The following IQCM variants were observed in gnomAD, a reference collection of about 807,000 sequenced individuals.
The protein encoded by IQCM is IQ motif containing M.
In IQCM, 45 loss-of-function variants were observed where a neutral mutation model predicts 57.6. That is an observed-to-expected ratio of 0.78 (90% confidence interval 0.62 to 1.00). IQCM has a LOEUF of 1.00. Among genes scored for constraint, IQCM ranks in the 50% least tolerant of loss-of-function variants. The pLI is 0.00. For synonymous variants in IQCM, 148 were observed against 158.9 expected (o/e 0.93, Z 0.51); for missense variants, 468 against 511.6 (o/e 0.91, Z 0.82).
chr4:149,683,743 A>G (rs951663977), intron 6 of IQCM, among the ~76,000 whole-genome samples: 1 of 151,326 alleles, frequency 6.6e-6, no homozygotes, highest in African/African-American at 2.4e-5. Context: ...TGTATTTTCA[A>G]TTGTTCCTGA....
chr4:149,805,142 T>A (rs992487160), intron 2 of IQCM, among the ~76,000 whole-genome samples: 1 of 152,092 alleles, frequency 6.6e-6, no homozygotes, highest in African/African-American at 2.4e-5. Flanking sequence ...TAGAGTTGCA[T>A]GAATATGTGT....
chr4:149,788,027 C>T (rs1484182036), intron 2 of IQCM, among the ~76,000 whole-genome samples: 1 of 152,158 alleles, frequency 6.6e-6, no homozygotes, highest in African/African-American at 2.4e-5. Context: ...CGTGAATAGA[C>T]ATTTTTCAAA....
chr4:149,459,471 T>G (rs1485791573), intron 12 of IQCM, among the ~76,000 whole-genome samples: 1 of 152,244 alleles, frequency 6.6e-6, no homozygotes, highest in African/African-American at 2.4e-5. Context: ...AGTTACCATA[T>G]TAGCCATTTT....
chr4:149,549,473 C>G (rs1156777629), intron 11 of IQCM, among the ~76,000 whole-genome samples: 1 of 152,024 alleles, frequency 6.6e-6, no homozygotes, highest in Non-Finnish European at 1.5e-5. Context: ...AGCCGAGATC[C>G]CGCCACTGCA....
intron 12 of IQCM, among the ~76,000 whole-genome samples, chr4:149,472,434 A>C (rs189474854): frequency 6.6e-6 from 1 of 152,230 alleles, no homozygotes; most frequent in Non-Finnish European, 1.5e-5. Context: ...GGACTTCTTC[A>C]AGGAGAACTA....
chr4:149,509,695 G>T (rs1327584420), intron 12 of IQCM, among the ~76,000 whole-genome samples: 1 of 152,156 alleles, frequency 6.6e-6, no homozygotes, highest in Non-Finnish European at 1.5e-5. Context: ...AAGGTATCGA[G>T]ACTTCCACTT....
At chr4:149,702,328 A>ACC (rs1561175487) in intron 5 of IQCM, among the ~76,000 whole-genome samples, 3 of 150,724 alleles carry the variant, frequency 2.0e-5, no homozygotes, top group Non-Finnish European at 4.4e-5. Flanking sequence ...ACACACACAC[A>ACC]CACCCATAGC....
intron 2 of IQCM, among the ~76,000 whole-genome samples, chr4:149,770,359 A>G (rs925939278): frequency 3.9e-5 from 6 of 152,088 alleles, no homozygotes; most frequent in Non-Finnish European, 7.4e-5. Flanking sequence ...AACTCTACCA[A>G]GATTTTAAGA....
chr4:149,474,890 A>T (rs1005499494), intron 12 of IQCM, among the ~76,000 whole-genome samples: 1 of 152,224 alleles, frequency 6.6e-6, no homozygotes, highest in Non-Finnish European at 1.5e-5. Flanking sequence ...TGTTCAAAAA[A>T]ACAGGGAAGT....
chr4:149,717,390 G>A (rs2149845110), intron 5 of IQCM, among the ~76,000 whole-genome samples: 1 of 152,282 alleles, frequency 6.6e-6, no homozygotes, highest in East Asian at 1.9e-4. Context: ...ACGTTTTGGT[G>A]ACCAGAGGAC....
intron 2 of IQCM, among the ~76,000 whole-genome samples, chr4:149,753,434 T>C (rs1467460113): frequency 6.6e-6 from 1 of 152,128 alleles, no homozygotes; most frequent in Non-Finnish European, 1.5e-5. Context: ...TTTCAAAAAC[T>C]GTATAAGCTT....
chr4:149,360,041 T>C (rs1029582789), intron 13 of IQCM, among the ~76,000 whole-genome samples: 2 of 151,572 alleles, frequency 1.3e-5, no homozygotes, highest in African/African-American at 4.8e-5. Context: ...ATATTACTCA[T>C]AGTCATCTAG....
At chr4:149,565,440 G>T (rs960224910) in intron 9 of IQCM, among the ~76,000 whole-genome samples, 1 of 152,070 alleles carries the variant, frequency 6.6e-6, no homozygotes, top group Non-Finnish European at 1.5e-5. Context: ...TCCCAGTTCT[G>T]TCTTTTCATA....
chr4:149,636,456 TC>T (rs1757723193), intron 7 of IQCM, among the ~76,000 whole-genome samples: 2 of 151,952 alleles, frequency 1.3e-5, no homozygotes, highest in African/African-American at 4.8e-5. Flanking sequence ...AGAGACCTCC[TC>T]CATGATAGAC....
intron 9 of IQCM, among the ~76,000 whole-genome samples, chr4:149,566,639 C>G (rs548265087): frequency 6.6e-6 from 1 of 151,778 alleles, no homozygotes; most frequent in Non-Finnish European, 1.5e-5. Context: ...AACTATATTA[C>G]GTAAAAAATA....
intron 13 of IQCM, among the ~76,000 whole-genome samples, chr4:149,360,166 A>G (rs1385597424): frequency 6.6e-6 from 1 of 152,196 alleles, no homozygotes; most frequent in Non-Finnish European, 1.5e-5. Context: ...ATTAATGTAT[A>G]TAAGTATAGT....
At chr4:149,675,750 G>A (rs1402217611) in intron 7 of IQCM, among the ~76,000 whole-genome samples, 1 of 151,974 alleles carries the variant, frequency 6.6e-6, no homozygotes, top group African/African-American at 2.4e-5. Context: ...CAAGTAGAGA[G>A]AAATAAAGAA....
At chr4:149,465,152 A>G (rs775643132) in intron 12 of IQCM, among the ~76,000 whole-genome samples, 2 of 152,202 alleles carry the variant, frequency 1.3e-5, no homozygotes, top group African/African-American at 2.4e-5. Flanking sequence ...GCTAGTTTTT[A>G]TATAAGATTT....
Position 149,769,182 on chromosome 4 carries a change from C to T in IQCM, c.-48-26443G>A, listed in dbSNP as rs536377090. Among the ~76,000 whole-genome samples, 35 of 152,122 alleles carry T rather than the reference C, an allele frequency of 2.3e-4. No individual in the cohort carries two copies. The South Asian group carries it at 7.0e-3, about 31-fold the overall frequency. On this transcript the variant is annotated intron_variant, in intron 2 of 13. Transcript: ENST00000636793. ...TATTCATGCACGCCAGGTTTTCATA[C>T]TTGGTCCTCTCATTCTGAAGAGTTT...
Sources: gnomAD v4.1 joint callset for allele counts (sites outside exome capture counted in the v4.1 genomes callset) on GRCh38, gnomAD v4.1.1 for gene constraint, MANE v1.5 for transcripts, NCBI Gene and HGNC (gene_info 2026-07-23, HGNC 2026-07-21) for gene names.